The following F5 variants were observed in gnomAD, a reference collection of about 807,000 sequenced individuals.
The protein encoded by F5 is activated protein c cofactor.
A neutral mutation model predicts 216.4 loss-of-function variants in F5; 138 were observed. That is an observed-to-expected ratio of 0.64 (90% CI 0.56 to 0.73). The LOEUF (loss-of-function observed/expected upper bound fraction) is 0.73, where lower values mean the gene tolerates loss of function less well. Among genes scored for constraint, F5 ranks in the 30% least tolerant of loss-of-function variants. The probability of loss-of-function intolerance (pLI) is 0.00; values close to 1 mark genes in which losing one functional copy is unlikely to be tolerated. For missense variants in F5, 2,403 were observed against 2,674.0 expected (o/e 0.90, Z 2.24); for synonymous variants, 916 against 930.7 (o/e 0.98, Z 0.29).
At position 169,520,668 on chromosome 1, in the gene F5, GAAGAA is replaced by G; in HGVS notation, c.6049-9_6049-5del. On this transcript the variant is annotated splice_region_variant and splice_polypyrimidine_tract_variant and intron_variant, in intron 21 of 24. Coordinates refer to ENST00000367797, the MANE Select transcript of F5 (RefSeq NM_000130.5). Reference sequence around the variant, plus strand: ...CATCTGAATTGCCATTAAAATACTAGAAGAAAAGAGGAAAGTTTAGTTATGTAACA... The same window carrying G: ...CATCTGAATTGCCATTAAAATACTAGAAGAGGAAAGTTTAGTTATGTAACA... The G allele has an allele frequency of 6.2e-7, 1 of 1,612,426 alleles. No individual in the cohort carries two copies.
chr1:169,536,809 G>T, intron 13 of F5, 129 bp from the exon 14 acceptor site: 1 of 686,716 alleles, frequency 1.5e-6, no homozygotes, highest in Admixed American at 2.6e-5. Context: ...GTGGATAAAT[G>T]AGTAAATATA....
chr1:169,582,277 A>C (rs990305088), intron 2 of F5, among the ~76,000 whole-genome samples, 154 bp downstream of exon 2: 2 of 151,256 alleles, frequency 1.3e-5, no homozygotes, highest in African/African-American at 4.9e-5. Context: ...TTCATTTTGC[A>C]CTGGGCCCCA....
In F5 at chr1:169,570,813, T is replaced by C. The variant is rs9332536; in HGVS notation, c.373+1408A>G. Among the ~76,000 whole-genome samples, 346 of 152,298 alleles carry C rather than the reference T, an allele frequency of 2.3e-3. 2 individuals carry two copies. Among genetic ancestry groups the C allele is most frequent in the African/African-American group, 7.8e-3 (323 of 41,590 alleles). On this transcript the variant is annotated intron_variant, in intron 3 of 24. Coordinates refer to ENST00000367797, the MANE Select transcript of F5 (RefSeq NM_000130.5). Reference sequence around the variant, plus strand: ...ATCATGGCTAATATTTATTATCTGTTATATGCCAGTCATTATTCTAAGATT... The same window carrying C: ...ATCATGGCTAATATTTATTATCTGTCATATGCCAGTCATTATTCTAAGATT...
intron 14 of F5, among the ~76,000 whole-genome samples, 180 bp downstream of exon 14, chr1:169,536,326 T>A (rs945301508): frequency 9.9e-5 from 15 of 152,152 alleles, no homozygotes; most frequent in African/African-American, 3.6e-4. Context: ...GATCTTTTTT[T>A]TTTTTAGTTC....
intron 16 of F5, among the ~76,000 whole-genome samples, chr1:169,528,471 G>T (rs529272115): frequency 1.5e-4 from 23 of 152,274 alleles, no homozygotes; most frequent in Non-Finnish European, 3.1e-4. Context: ...AAACTCCAGG[G>T]ATTAGAGTCA....
intron 2 of F5, among the ~76,000 whole-genome samples, chr1:169,576,980 AG>A: frequency 6.6e-6 from 1 of 152,332 alleles, no homozygotes; most frequent in East Asian, 1.9e-4. Context: ...GCAAAACAAA[AG>A]GATGTTTTCA....
At chr1:169,552,755 A>T (rs753684925) in intron 7 of F5, 21 bp from the exon 8 acceptor site, 31 of 1,571,688 alleles carry the variant, frequency 2.0e-5, no homozygotes, top group Non-Finnish European at 2.2e-5. Context: ...AGTAAAAAAA[A>T]ATTAAACCAC....
chr1:169,534,102 C>G (rs542574029), intron 14 of F5, among the ~76,000 whole-genome samples: 2 of 152,282 alleles, frequency 1.3e-5, no homozygotes, highest in East Asian at 3.9e-4. Context: ...GTTCTAATTA[C>G]TGGTGCATGC....
chr1:169,519,197 T>C (rs964525776), intron 22 of F5, among the ~76,000 whole-genome samples: 4 of 152,132 alleles, frequency 2.6e-5, no homozygotes, highest in African/African-American at 7.2e-5. Context: ...TTCTTGTTGG[T>C]AAATCATGCA....
Position 169,562,522 on chromosome 1 carries a change from A to G in F5, c.374-1756T>C, listed in dbSNP as rs564218066. On this transcript the variant is annotated intron_variant, in intron 3 of 24. Transcript: ENST00000367797. Reference sequence around the variant, plus strand: ...ACTGCCATCTTTATATTTATTTTCTATTTGTCTATCTGGTCTTTATTCCTT... The same window carrying G: ...ACTGCCATCTTTATATTTATTTTCTGTTTGTCTATCTGGTCTTTATTCCTT... Among the ~76,000 whole-genome samples the G allele has an allele frequency of 2.2e-3, 328 of 151,688 alleles. 2 individuals are homozygous for G. Among genetic ancestry groups the G allele is most frequent in the African/African-American group, 7.3e-3 (302 of 41,390 alleles).
chr1:169,586,118 T>C, intron 1 of F5, 111 bp downstream of exon 1: 3 of 1,224,488 alleles, frequency 2.4e-6, no homozygotes, highest in Non-Finnish European at 3.5e-6. Flanking sequence ...TTATATTTAC[T>C]TACCTGAAGT....
chr1:169,551,261 C>A (rs1052106447), intron 8 of F5, among the ~76,000 whole-genome samples: 27 of 152,170 alleles, frequency 1.8e-4, no homozygotes, highest in African/African-American at 6.3e-4. Flanking sequence ...CCAGCCTGGG[C>A]AACATGGTGA....
chr1:169,570,418 C>T (rs1660697112), intron 3 of F5, among the ~76,000 whole-genome samples: 1 of 152,102 alleles, frequency 6.6e-6, no homozygotes, highest in Non-Finnish European at 1.5e-5. Flanking sequence ...CGTCTAGAAG[C>T]CTCATAAGTA....
chr1:169,551,368 TGA>T (rs1329893826), intron 8 of F5, among the ~76,000 whole-genome samples: 2 of 152,198 alleles, frequency 1.3e-5, no homozygotes, highest in Non-Finnish European at 2.9e-5. Flanking sequence ...GAGAATCGCC[TGA>T]GCCCAGGAAG....
rs1207556011 is a variant in F5, at chr1:169,556,749, G to C, written c.849C>G (p.Val283=). The change falls in exon 6 of 25, where the codon GTC becomes GTG. Residue 283 remains valine (V), a synonymous_variant. Transcript: ENST00000367797. ...GQVLEQNHHK[V]SAITLVSATS... ...TAGCACTGACAAGGGTGATGGCTGAGACCTTATGATGGTTCTGCTCCAGGA... is the reference window on the plus strand; with the variant it reads ...TAGCACTGACAAGGGTGATGGCTGACACCTTATGATGGTTCTGCTCCAGGA... The C allele has an allele frequency of 7.4e-6, 12 of 1,614,004 alleles. No individual in the cohort carries two copies. The highest frequency in any genetic ancestry group is 1.6e-4 in the Middle Eastern group (1 of 6,084).
rs192693105 is a variant in F5, at chr1:169,526,478, A to G, written c.5600-461T>C. On this transcript the variant is annotated intron_variant, in intron 17 of 24. Coordinates refer to ENST00000367797, the MANE Select transcript of F5 (RefSeq NM_000130.5). ...TTTTCCATAAAGCTTACATATTTGA[A>G]TAGAGATTTACATAAATTGCTCAGA... 1.8e-4 allele frequency among the ~76,000 whole-genome samples: 27 copies of G among 152,280 alleles called. No individual in the cohort carries two copies. The East Asian group carries it at 4.8e-3, about 27-fold the overall frequency.
intron 5 of F5, among the ~76,000 whole-genome samples, chr1:169,558,381 C>T (rs60345655): frequency 0.018 from 2,710 of 152,270 alleles, 84 homozygotes; most frequent in African/African-American, 0.061. Flanking sequence ...AAACACTACC[C>T]AGATCTCAAC....
intron 10 of F5, among the ~76,000 whole-genome samples, chr1:169,547,891 G>T (rs918627525): frequency 6.6e-6 from 1 of 152,010 alleles, no homozygotes; most frequent in Non-Finnish European, 1.5e-5. Flanking sequence ...ACATGCATGC[G>T]TATGTTCATT....
intron 21 of F5, among the ~76,000 whole-genome samples, chr1:169,521,402 G>A (rs925111544): frequency 2.6e-5 from 4 of 152,100 alleles, no homozygotes; most frequent in Non-Finnish European, 5.9e-5. Flanking sequence ...AGCCACCAAG[G>A]AACAATCCCT....
Sources: allele counts gnomAD v4.1 joint callset (sites outside exome capture counted in the v4.1 genomes callset), GRCh38; gene constraint gnomAD v4.1.1; transcripts MANE v1.5; gene names NCBI Gene and HGNC (gene_info 2026-07-23, HGNC 2026-07-21).